FGF13: variants seen among roughly 807,000 people sequenced by gnomAD.
The protein encoded by FGF13 is fibroblast growth factor homologous factor 2.
In FGF13, 2 loss-of-function variants were observed where a neutral mutation model predicts 19.5. The observed-to-expected ratio is 0.10, with a 90% CI of 0.04 to 0.32. The LOEUF (loss-of-function observed/expected upper bound fraction) is 0.32, where lower values mean the gene tolerates loss of function less well. Among genes scored for constraint, FGF13 ranks in the 10% least tolerant of loss-of-function variants. FGF13 has a pLI of 1.00. For synonymous variants in FGF13, 72 were observed against 76.9 expected (o/e 0.94, Z 0.33); for missense variants, 113 against 192.7 (o/e 0.59, Z 2.45).
At chrX:139,005,193 G>GACCC (rs2092095550) in intron 1 of FGF13, among the ~76,000 whole-genome samples, 1 of 24,648 alleles carries the variant, frequency 4.1e-5, no homozygotes, top group Non-Finnish European at 1.1e-4. Context: ...TTGTGTCACT[G>GACCC]CCCCCCCCCC....
At chrX:138,638,675 T>C (rs112452488) in intron 3 of FGF13, among the ~76,000 whole-genome samples, 465 of 112,092 alleles carry the variant, frequency 4.1e-3, no homozygotes, top group Non-Finnish European at 7.6e-3. Flanking sequence ...GATTCAGATT[T>C]AAATATTGGA....
At chrX:138,829,969 T>A (rs1213185206) in intron 3 of FGF13, among the ~76,000 whole-genome samples, 1 of 112,547 alleles carries the variant, frequency 8.9e-6, no homozygotes, top group East Asian at 2.8e-4. Context: ...TCCACCCACC[T>A]TGGCCTCCCA....
At chrX:138,849,342 C>T (rs1668389041) in intron 3 of FGF13, among the ~76,000 whole-genome samples, 1 of 111,960 alleles carries the variant, frequency 8.9e-6, no homozygotes, top group African/African-American at 3.2e-5. Flanking sequence ...ACCACAAATG[C>T]TGTCTTTTTA....
intron 3 of FGF13, among the ~76,000 whole-genome samples, chrX:138,837,960 C>T (rs1027483263): frequency 8.9e-6 from 1 of 112,326 alleles, no homozygotes; most frequent in African/African-American, 3.2e-5. Flanking sequence ...AGAGCAAGAA[C>T]TCACTTAAAG....
rs1322109581 is a variant in FGF13, at chrX:139,045,105, C to T, written c.-113+158311G>A. ...TAAGTGGAGGCTGCCAAGCATTCTT[C>T]ACTCTTGCATTCTGCACACCTACAG... On this transcript the variant is annotated intron_variant, in intron 1 of 2. Transcript: ENST00000421460. Among the ~76,000 whole-genome samples the T allele has an allele frequency of 2.7e-5, 3 of 112,674 alleles. No homozygotes were observed. In the Middle Eastern group the frequency reaches 0.014, roughly 517 times the overall value.
intron 1 of FGF13, among the ~76,000 whole-genome samples, chrX:139,135,994 T>C (rs1015210270): frequency 2.7e-5 from 3 of 111,830 alleles, no homozygotes; most frequent in Admixed American, 1.9e-4. Context: ...TAAAGGTATA[T>C]AATCTCTTTT....
At chrX:138,855,742 C>T (rs777643710), downstream of FGF13, among the ~76,000 whole-genome samples, 1 of 111,909 alleles carries the variant, frequency 8.9e-6, no homozygotes, top group South Asian at 3.7e-4. Context: ...ATTTACAATA[C>T]ACTCCAGATG....
chrX:138,891,260 G>A (rs972593151), intron 1 of FGF13, among the ~76,000 whole-genome samples: 2 of 111,697 alleles, frequency 1.8e-5, no homozygotes, highest in African/African-American at 6.5e-5. Flanking sequence ...ATTCCAGCCT[G>A]GGCAACAGAG....
intron 1 of FGF13, among the ~76,000 whole-genome samples, chrX:138,942,616 A>G (rs1308945310): frequency 8.9e-6 from 1 of 111,741 alleles, no homozygotes; most frequent in Non-Finnish European, 1.9e-5. Flanking sequence ...TATGCTTGCT[A>G]CAGAGCTAAT....
intron 1 of FGF13, among the ~76,000 whole-genome samples, chrX:139,030,318 G>C (rs1187923511): frequency 9.0e-6 from 1 of 111,339 alleles, no homozygotes; most frequent in African/African-American, 3.3e-5. Flanking sequence ...GGCAACGAAA[G>C]CTGGCCTAAT....
At chrX:139,025,118 C>T (rs1283173668) in intron 1 of FGF13, among the ~76,000 whole-genome samples, 1 of 111,325 alleles carries the variant, frequency 9.0e-6, no homozygotes, top group Non-Finnish European at 1.9e-5. Flanking sequence ...CCAGTCCCCT[C>T]AGTGTCTTTT....
chrX:138,896,541 C>G (rs193103531), intron 1 of FGF13, among the ~76,000 whole-genome samples: 2 of 111,612 alleles, frequency 1.8e-5, no homozygotes, highest in East Asian at 5.7e-4. Flanking sequence ...TCTAACCATT[C>G]AATGGCTCCC....
At chrX:139,197,849 C>T (rs1242239852) in intron 1 of FGF13, among the ~76,000 whole-genome samples, 1 of 108,467 alleles carries the variant, frequency 9.2e-6, no homozygotes, top group Non-Finnish European at 1.9e-5. Flanking sequence ...AAAAATTGGC[C>T]GGGCGGTGGT....
intron 1 of FGF13, among the ~76,000 whole-genome samples, chrX:139,079,260 C>T (rs916336018): frequency 2.7e-5 from 3 of 111,191 alleles, no homozygotes; most frequent in African/African-American, 6.5e-5. Flanking sequence ...CAATTTGTCA[C>T]GCCAAGCCTG....
intron 1 of FGF13, among the ~76,000 whole-genome samples, chrX:139,148,508 GA>G (rs1186484074): frequency 9.6e-6 from 1 of 103,849 alleles, no homozygotes; most frequent in African/African-American, 3.5e-5. Context: ...AAGAATGACT[GA>G]AAAAAACTAC....
Position 139,164,459 on chromosome X carries a change from A to G in FGF13, c.-113+38957T>C, listed in dbSNP as rs762467996. Among the ~76,000 whole-genome samples the G allele has an allele frequency of 4.5e-5, 5 of 111,142 alleles. No homozygotes were observed. The Admixed American group carries it at 4.8e-4, about 11-fold the overall frequency. On this transcript the variant is annotated intron_variant, in intron 1 of 2. Transcript: ENST00000421460. ...TGTAATCTCTGCACTTTTAGAGCCC[A>G]GGCGGGTGGATCACTTAAGCCCAGG... is the stretch of plus-strand genomic sequence containing the variant.
Position 138,919,745 on chromosome X carries a change from A to T in FGF13, c.-112-55095T>A, listed in dbSNP as rs1051700137. 9.0e-5 allele frequency among the ~76,000 whole-genome samples: 10 copies of T among 110,653 alleles called. No individual in the cohort carries two copies. In the East Asian group the frequency reaches 2.8e-3, roughly 31 times the overall value. On this transcript the variant is annotated intron_variant, in intron 1 of 2. Coordinates refer to the FGF13 transcript ENST00000421460. Reference sequence around the variant, plus strand: ...ATGAATATGGCTGTAAAGGAGTAGCACAGAACAGTCTTCTGTATAGTGGAG... The same window carrying T: ...ATGAATATGGCTGTAAAGGAGTAGCTCAGAACAGTCTTCTGTATAGTGGAG...
upstream of FGF13, among the ~76,000 whole-genome samples, chrX:138,714,566 AC>A (rs761540470): frequency 1.8e-3 from 201 of 110,748 alleles, no homozygotes; most frequent in African/African-American, 6.3e-3. Flanking sequence ...AATCGCTTGA[AC>A]CCGGGAGGCG....
intron 1 of FGF13, among the ~76,000 whole-genome samples, chrX:139,109,666 A>G: frequency 9.0e-6 from 1 of 111,595 alleles, no homozygotes; most frequent in Non-Finnish European, 1.9e-5. Context: ...AGTAGTGAAT[A>G]ATGACCAAAA....
Sources: allele counts gnomAD v4.1 joint callset (sites outside exome capture counted in the v4.1 genomes callset), GRCh38; gene constraint gnomAD v4.1.1; transcripts MANE v1.5; gene names NCBI Gene and HGNC (gene_info 2026-07-23, HGNC 2026-07-21).